The following ABAT variants were observed in gnomAD, a reference collection of about 807,000 sequenced individuals.
ABAT encodes 4-aminobutyrate aminotransferase, mitochondrial.
Under a neutral mutation model 64.6 loss-of-function variants are expected in ABAT, and 45 were observed. The ratio of observed to expected loss-of-function variants is 0.70; its 90% CI spans 0.55 to 0.89. The LOEUF is 0.89. ABAT is among the 40% of genes least tolerant of loss of function. The pLI, the probability that ABAT is intolerant of heterozygous loss-of-function variation, is 0.00. For synonymous variants in ABAT, 297 were observed against 250.5 expected, an observed-to-expected ratio of 1.19 and a Z score of -1.75; for missense variants, 633 against 658.4, an observed-to-expected ratio of 0.96 and a Z score of 0.42.
intron 1 of ABAT, among the ~76,000 whole-genome samples, chr16:8,694,416 G>T (rs1162873684): frequency 1.3e-5 from 2 of 151,662 alleles, no homozygotes; most frequent in African/African-American, 4.8e-5. Flanking sequence ...TTGAGACAGG[G>T]TCTTGCTCTG....
intron 1 of ABAT, among the ~76,000 whole-genome samples, chr16:8,723,364 G>A (rs1249618391): frequency 1.3e-5 from 2 of 152,142 alleles, no homozygotes; most frequent in African/African-American, 2.4e-5. Flanking sequence ...CTGGAACCCT[G>A]GGCACCCAGC....
chr16:8,742,587 G>A (rs775549851), intron 2 of ABAT, among the ~76,000 whole-genome samples: 1 of 152,074 alleles, frequency 6.6e-6, no homozygotes, highest in Non-Finnish European at 1.5e-5. Context: ...AACTAGGGCC[G>A]GGTACGGTGG....
At chr16:8,767,588 C>G (rs1428146262) in intron 9 of ABAT, among the ~76,000 whole-genome samples, 2 of 152,204 alleles carry the variant, frequency 1.3e-5, no homozygotes, top group African/African-American at 4.8e-5. Context: ...CCACTTACAG[C>G]TGCCACAGGA....
At chr16:8,758,730 C>A (rs976919407) in intron 6 of ABAT, among the ~76,000 whole-genome samples, 4 of 152,036 alleles carry the variant, frequency 2.6e-5, no homozygotes, top group African/African-American at 9.7e-5. Context: ...ATACGGTAAC[C>A]CCACGTGAGA....
intron 1 of ABAT, chr16:8,722,681 C>A: frequency 1.8e-6 from 1 of 566,296 alleles, no homozygotes; most frequent in Non-Finnish European, 2.7e-6. Context: ...TTTCTCCAAC[C>A]TCCTTGGTCA....
At chr16:8,707,984 A>G (rs2057986353) in intron 1 of ABAT, among the ~76,000 whole-genome samples, 1 of 152,220 alleles carries the variant, frequency 6.6e-6, no homozygotes, top group Non-Finnish European at 1.5e-5. Context: ...CTTGCATGTC[A>G]TGATTAAAAT....
At chr16:8,778,422 C>G (rs1472844026) in intron 14 of ABAT, among the ~76,000 whole-genome samples, 1 of 152,126 alleles carries the variant, frequency 6.6e-6, no homozygotes, top group Non-Finnish European at 1.5e-5. Context: ...TCTGGCGTCA[C>G]TTGGTGTTCT....
At position 8,783,292 on chromosome 16, in the gene ABAT, C is replaced by T. The variant is rs1406159963; in HGVS notation, c.*1862C>T. 2 of 152,014 alleles carry T rather than the reference C, an allele frequency of 1.3e-5. No homozygotes were observed. The highest frequency in any genetic ancestry group is 2.9e-5 in the Non-Finnish European group (2 of 68,020). The allele number at this position is 152,014 out of a possible 1,614,324, so 9.4% of individuals were successfully genotyped here. A position where few individuals can be genotyped will look rare whatever the true frequency, so the allele number is the denominator to read the frequency against. ...AGATGAGATAAAACATTGTCCCTGCCCCCGGGGGCTCACATGCCACTGGAA... is the reference window on the plus strand; with the variant it reads ...AGATGAGATAAAACATTGTCCCTGCTCCCGGGGGCTCACATGCCACTGGAA... On this transcript the variant is annotated 3_prime_UTR_variant, in exon 16 of 16. Transcript: ENST00000268251.
chr16:8,688,920 A>C (rs1049065188), intron 1 of ABAT, among the ~76,000 whole-genome samples: 1 of 152,160 alleles, frequency 6.6e-6, no homozygotes, highest in African/African-American at 2.4e-5. Flanking sequence ...TACTAAAAAT[A>C]CACAAAAAAA....
intron 1 of ABAT, among the ~76,000 whole-genome samples, chr16:8,726,078 C>T (rs956414348): frequency 6.6e-6 from 1 of 151,948 alleles, no homozygotes; most frequent in East Asian, 1.9e-4. Context: ...CCATTCAACC[C>T]GCCACTACCC....
chr16:8,741,286 G>T (rs957620880), intron 2 of ABAT, among the ~76,000 whole-genome samples: 5 of 152,176 alleles, frequency 3.3e-5, no homozygotes, highest in African/African-American at 9.7e-5. Flanking sequence ...TTGCCTTTAG[G>T]AGAAGTGTGT....
intron 12 of ABAT, among the ~76,000 whole-genome samples, chr16:8,774,295 A>G (rs1337152127): frequency 6.6e-6 from 1 of 152,172 alleles, no homozygotes; most frequent in East Asian, 1.9e-4. Flanking sequence ...TTGATTCTGT[A>G]TCTCGGCTAT....
At chr16:8,750,004 T>A (rs2059433239) in intron 4 of ABAT, among the ~76,000 whole-genome samples, 1 of 152,228 alleles carries the variant, frequency 6.6e-6, no homozygotes, top group Non-Finnish European at 1.5e-5. Flanking sequence ...CATGAGGCAC[T>A]GCACTCAGCC....
intron 1 of ABAT, among the ~76,000 whole-genome samples, chr16:8,726,640 C>T (rs1260806215): frequency 6.6e-6 from 1 of 152,160 alleles, no homozygotes. Context: ...GTAAGCAATG[C>T]TGCAACAAAC....
rs2060491780 is a variant in ABAT at position 8,783,838 on chromosome 16, T to A, written c.*2408T>A. ...TCCCCATGGGGCACTGACAGAGAAA[T>A]GAAATAGTTTTATCTGGAAAATTCC... On this transcript the variant is annotated 3_prime_UTR_variant, in exon 16 of 16. Coordinates refer to ENST00000268251, the MANE Select transcript of ABAT (RefSeq NM_020686.6). 1 of 152,158 alleles carries A rather than the reference T, an allele frequency of 6.6e-6. No individual in the cohort carries two copies. Among genetic ancestry groups the A allele is most frequent in the Non-Finnish European group, 1.5e-5 (1 of 68,030 alleles). 9.4% of individuals were successfully genotyped at this position (152,158 alleles called of 1,614,324 possible).
chr16:8,732,545 C>T (rs1288399231), intron 1 of ABAT, among the ~76,000 whole-genome samples: 5 of 151,606 alleles, frequency 3.3e-5, no homozygotes, highest in Non-Finnish European at 4.4e-5. Context: ...GGGGTAAGGT[C>T]ACAGATCAAC....
chr16:8,722,815 A>G (rs1238602579), intron 1 of ABAT: 1 of 1,289,044 alleles, frequency 7.8e-7, no homozygotes, highest in African/African-American at 1.5e-5. Flanking sequence ...GGTAGAATCA[A>G]AGAGGGATAT....
chr16:8,771,168 G>A (rs753772188), intron 11 of ABAT, among the ~76,000 whole-genome samples: 2 of 152,094 alleles, frequency 1.3e-5, no homozygotes, highest in Non-Finnish European at 1.5e-5. Context: ...GGTGGTGCAT[G>A]CCTGTAATCC....
intron 11 of ABAT, among the ~76,000 whole-genome samples, chr16:8,772,482 G>A (rs776421547): frequency 1.3e-5 from 2 of 152,184 alleles, no homozygotes; most frequent in African/African-American, 2.4e-5. Flanking sequence ...CCACGACCCT[G>A]GAAGGTGGAT....
Sources: gnomAD v4.1 joint callset for allele counts (sites outside exome capture counted in the v4.1 genomes callset) on GRCh38, gnomAD v4.1.1 for gene constraint, MANE v1.5 for transcripts, NCBI Gene and HGNC (gene_info 2026-07-23, HGNC 2026-07-21) for gene names.